TERF2: variants seen among roughly 807,000 people sequenced by gnomAD.
TERF2 encodes the protein telomeric repeat-binding factor 2.
A neutral mutation model predicts 56.1 loss-of-function variants in TERF2; 16 were observed. That is an observed-to-expected ratio of 0.29 (90% CI 0.19 to 0.43). The LOEUF (loss-of-function observed/expected upper bound fraction) is 0.43, where lower values mean the gene tolerates loss of function less well. Ranked by LOEUF, TERF2 falls within the 20% of genes least tolerant of loss-of-function variation. TERF2 has a pLI of 1.00. For synonymous variants in TERF2, 296 were observed against 282.1 expected, an observed-to-expected ratio of 1.05 and a Z score of -0.50; for missense variants, 547 against 712.9, an observed-to-expected ratio of 0.77 and a Z score of 2.65.
intron 3 of TERF2, among the ~76,000 whole-genome samples, chr16:69,381,411 C>A (rs746993729): frequency 6.6e-6 from 1 of 152,008 alleles, no homozygotes; most frequent in Admixed American, 6.6e-5. Context: ...AATAATAACA[C>A]AAGTGCTTTT....
chr16:69,364,052 C>T (rs915227997), intron 7 of TERF2, among the ~76,000 whole-genome samples: 1 of 152,150 alleles, frequency 6.6e-6, no homozygotes, highest in Admixed American at 6.5e-5. Context: ...GCCCAAAATG[C>T]CTAAAATGTT....
intron 3 of TERF2, among the ~76,000 whole-genome samples, chr16:69,377,075 T>C (rs2013819716): frequency 6.6e-6 from 1 of 151,644 alleles, no homozygotes; most frequent in South Asian, 2.1e-4. Context: ...CGGTGGCACA[T>C]GCCTGTAATT....
chr16:69,384,363 A>G (rs1026907927), intron 3 of TERF2, among the ~76,000 whole-genome samples: 2 of 152,154 alleles, frequency 1.3e-5, no homozygotes, highest in African/African-American at 4.8e-5. Context: ...AAGGAAGACC[A>G]CCCAAATCAC....
chr16:69,361,426 C>T lies in TERF2; in HGVS notation c.1404G>A (p.Glu468=). 8.7e-6 allele frequency: 14 copies of T among 1,613,988 alleles called. No individual in the cohort carries two copies. The highest frequency in any genetic ancestry group is 1.2e-5 in the Non-Finnish European group (14 of 1,179,874). The change falls in exon 8 of 10, where the codon GAG becomes GAA. Residue 468 remains glutamate (E), a synonymous_variant. Coordinates refer to ENST00000254942, the MANE Select transcript of TERF2 (RefSeq NM_005652.5). The part of the protein sequence containing the change: ...GVEEKETWVE[E]DELFQVQAAP... ...TACCCTGAACTTGAAACAGTTCATC[C>T]TCTTCCACCCAAGTCTCCTTTTCTT...
chr16:69,384,574 C>G lies in TERF2; in HGVS notation c.606+6G>C. The G allele has an allele frequency of 6.2e-7, 1 of 1,612,230 alleles. No homozygotes were observed. Among genetic ancestry groups the G allele is most frequent in the Non-Finnish European group, 8.5e-7 (1 of 1,179,544 alleles). On this transcript the variant is annotated splice_donor_region_variant and intron_variant, in intron 3 of 9. Transcript: ENST00000254942. ...AAAGAAAAAAGATATAAAAATAGAG[C>G]CTTACAGCTTCCTTGACCAGTTTTC...
intron 3 of TERF2, among the ~76,000 whole-genome samples, chr16:69,380,932 G>A (rs1312217483): frequency 6.6e-6 from 1 of 150,966 alleles, no homozygotes; most frequent in Non-Finnish European, 1.5e-5. Context: ...CTCCCGAGTA[G>A]CTGGGATTAC....
Position 69,385,976 on chromosome 16 carries a change from G to C in TERF2, c.-5C>G, listed in dbSNP as rs2014194773. ...CGTCCCGGCTCCCGCGGCCATGATA[G>C]AAACAGCGTTCCGAGCCGCCCGCGG... On this transcript the variant is annotated 5_prime_UTR_variant, in exon 1 of 10. Transcript: ENST00000254942. The C allele has an allele frequency of 3.0e-6, 4 of 1,335,298 alleles. No homozygotes were observed. Among genetic ancestry groups the C allele is most frequent in the Non-Finnish European group, 3.8e-6 (4 of 1,044,846 alleles). The allele number at this position is 1,335,298 out of a possible 1,614,324, so 82.7% of individuals were successfully genotyped here. A position where few individuals can be genotyped will look rare whatever the true frequency, so the allele number is the denominator to read the frequency against.
chr16:69,369,440 A>C (rs1216531904), intron 5 of TERF2, among the ~76,000 whole-genome samples: 1 of 152,134 alleles, frequency 6.6e-6, no homozygotes, highest in Non-Finnish European at 1.5e-5. Context: ...CTGGGACTAC[A>C]GGCACGCGCC....
At chr16:69,357,395 C>G in intron 9 of TERF2, 123 bp downstream of exon 9, 1 of 775,090 alleles carries the variant, frequency 1.3e-6, no homozygotes, top group South Asian at 1.9e-5. Flanking sequence ...TTTGGATTAT[C>G]TGAAAATCTC....
intron 9 of TERF2, 37 bp downstream of exon 9, chr16:69,357,481 C>A: frequency 6.3e-7 from 1 of 1,577,340 alleles, no homozygotes; most frequent in Non-Finnish European, 8.7e-7. Context: ...CTGCTCTACC[C>A]ACATAACCAG....
intron 3 of TERF2, among the ~76,000 whole-genome samples, chr16:69,376,218 A>G (rs940874133): frequency 6.6e-6 from 1 of 152,110 alleles, no homozygotes; most frequent in African/African-American, 2.4e-5. Flanking sequence ...TTTTGAGTTA[A>G]TTTTTGTACA....
Position 69,385,714 on chromosome 16 carries a change from C to A in TERF2, c.258G>T (p.Gly86=). Residue 86 remains glycine, a synonymous_variant, in exon 1 of 10, where the codon GGG becomes GGT. Transcript: ENST00000254942. ...TGACTGCCTCTTCCAGCCGTGCCTC[C>A]CCCGCGCCGCGCTCCGCCGGGCCCC... The part of the protein sequence containing the change: ...GLGGPAERGA[G]EARLEEAVNR... 1 of 1,587,334 alleles carries A rather than the reference C, an allele frequency of 6.3e-7. No homozygotes were observed. Among genetic ancestry groups the A allele is most frequent in the Non-Finnish European group, 8.5e-7 (1 of 1,169,758 alleles).
intron 7 of TERF2, among the ~76,000 whole-genome samples, chr16:69,363,697 A>G (rs1297412757): frequency 6.6e-6 from 1 of 152,230 alleles, no homozygotes; most frequent in African/African-American, 2.4e-5. Flanking sequence ...AGTTGGGAGC[A>G]GTGGCTCACG....
chr16:69,380,562 G>A (rs1054098668), intron 3 of TERF2, among the ~76,000 whole-genome samples: 4 of 151,144 alleles, frequency 2.6e-5, no homozygotes, highest in Admixed American at 2.0e-4. Context: ...GGAGGCTGAG[G>A]TGTAGAACTG....
chr16:69,367,033 T>C lies in TERF2; in HGVS notation c.1114A>G (p.Arg372Gly). 2 of 1,614,206 alleles carry C rather than the reference T, an allele frequency of 1.2e-6. No individual in the cohort carries two copies. Among genetic ancestry groups the C allele is most frequent in the East Asian group, 4.5e-5 (2 of 44,876 alleles). The change falls in exon 7 of 10, where the codon AGA becomes GGA. Residue 372 changes from arginine (R) to glycine (G), a missense_variant. Transcript: ENST00000254942. Reference sequence around the variant, plus strand: ...CTTTCGTTTTCATCTTTTCTGGGTCTCTTGTTTTTGAGGGCTGGTGATGCT... The same window carrying C: ...CTTTCGTTTTCATCTTTTCTGGGTCCCTTGTTTTTGAGGGCTGGTGATGCT... ...LPASPALKNK[R>G]PRKDENESSA...
chr16:69,379,319 T>C (rs1055848087), intron 3 of TERF2, among the ~76,000 whole-genome samples: 7 of 152,204 alleles, frequency 4.6e-5, no homozygotes, highest in Non-Finnish European at 1.0e-4. Flanking sequence ...ACAGAGTGTA[T>C]CTGATATACA....
chr16:69,384,548 C>A lies in TERF2; in HGVS notation c.606+32G>T. ...TCCTCAAAGACCCTTGATTTTTGGT[C>A]AAAGAAAAAAGATATAAAAATAGAG... is the stretch of plus-strand genomic sequence containing the variant. On this transcript the variant is annotated intron_variant, in intron 3 of 9. Transcript: ENST00000254942. 3 of 1,602,774 alleles carry A rather than the reference C, an allele frequency of 1.9e-6. No homozygotes were observed. In the South Asian group the frequency reaches 3.3e-5, roughly 18 times the overall value.
chr16:69,385,714 C>T lies in TERF2; in HGVS notation c.258G>A (p.Gly86=). Residue 86 remains glycine (G), a synonymous_variant, in exon 1 of 10, where the codon GGG becomes GGA. Transcript: ENST00000254942. Reference sequence around the variant, plus strand: ...TGACTGCCTCTTCCAGCCGTGCCTCCCCCGCGCCGCGCTCCGCCGGGCCCC... The same window carrying T: ...TGACTGCCTCTTCCAGCCGTGCCTCTCCCGCGCCGCGCTCCGCCGGGCCCC... ...GLGGPAERGA[G]EARLEEAVNR... 6.3e-7 allele frequency: 1 copy of T among 1,587,336 alleles called. No individual in the cohort carries two copies. Among genetic ancestry groups the T allele is most frequent in the Middle Eastern group, 1.7e-4 (1 of 5,870 alleles).
At chr16:69,369,471 G>C (rs779221711) in intron 5 of TERF2, among the ~76,000 whole-genome samples, 1 of 152,054 alleles carries the variant, frequency 6.6e-6, no homozygotes, top group Non-Finnish European at 1.5e-5. Context: ...GCTAATTTTT[G>C]TATTTTCTGT....
Sources: gnomAD v4.1 joint callset for allele counts (sites outside exome capture counted in the v4.1 genomes callset) on GRCh38, gnomAD v4.1.1 for gene constraint, MANE v1.5 for transcripts, NCBI Gene and HGNC (gene_info 2026-07-23, HGNC 2026-07-21) for gene names.